The following ERBB4 variants were observed in gnomAD, a reference collection of about 807,000 sequenced individuals.
ERBB4 encodes erb-b2 receptor tyrosine kinase 4, also known as receptor tyrosine-protein kinase erbB-4.
A neutral mutation model predicts 158.0 loss-of-function variants in ERBB4; 42 were observed. The ratio of observed to expected loss-of-function variants is 0.27; its 90% CI spans 0.21 to 0.34. ERBB4 has a LOEUF of 0.34. ERBB4 is among the 10% of genes least tolerant of loss of function. The probability of loss-of-function intolerance (pLI) is 1.00; values close to 1 mark genes in which losing one functional copy is unlikely to be tolerated. For synonymous variants in ERBB4, 583 were observed against 558.7 expected (o/e 1.04, Z -0.61); for missense variants, 1,333 against 1,624.1 (o/e 0.82, Z 3.08).
intron 2 of ERBB4, among the ~76,000 whole-genome samples, chr2:211,969,189 A>G (rs1422485887): frequency 6.6e-6 from 1 of 151,994 alleles, no homozygotes; most frequent in Non-Finnish European, 1.5e-5. Flanking sequence ...AGCAGTGACA[A>G]AAGTTAAGAC....
intron 3 of ERBB4, among the ~76,000 whole-genome samples, chr2:211,893,028 A>G (rs1429084953): frequency 6.7e-6 from 1 of 148,476 alleles, no homozygotes; most frequent in African/African-American, 2.6e-5. Flanking sequence ...TAAAGCTACC[A>G]AGACTTTCCT....
At chr2:211,938,402 C>T (rs1575406024) in intron 3 of ERBB4, among the ~76,000 whole-genome samples, 2 of 152,246 alleles carry the variant, frequency 1.3e-5, no homozygotes, top group African/African-American at 4.8e-5. Flanking sequence ...TCCTTGCCTG[C>T]TGGATTGGAT....
At chr2:211,856,990 G>T (rs2077883610) in intron 3 of ERBB4, among the ~76,000 whole-genome samples, 1 of 151,894 alleles carries the variant, frequency 6.6e-6, no homozygotes, top group African/African-American at 2.4e-5. Context: ...TATTTAAAAA[G>T]TTATTATATG....
At chr2:211,957,952 C>A (rs561419682) in intron 2 of ERBB4, among the ~76,000 whole-genome samples, 1 of 152,098 alleles carries the variant, frequency 6.6e-6, no homozygotes, top group African/African-American at 2.4e-5. Flanking sequence ...ACAACAGCTG[C>A]CTCTGTTGAA....
intron 1 of ERBB4, among the ~76,000 whole-genome samples, chr2:212,159,386 TA>T (rs1032044010): frequency 6.6e-6 from 1 of 151,910 alleles, no homozygotes; most frequent in Admixed American, 6.6e-5. Flanking sequence ...TCTCAATGTC[TA>T]AAATGGACAA....
intron 2 of ERBB4, among the ~76,000 whole-genome samples, chr2:211,987,330 C>CAAAAAAAAAAAAAAAAAAAA (rs564412801): frequency 3.6e-5 from 2 of 56,190 alleles, no homozygotes; most frequent in African/African-American, 8.6e-5. Context: ...CAAGAAAAGA[C>CAAAAAAAAAAAAAAAAAAAA]AAAAAAAAAA....
At chr2:211,990,523 A>AAAT (rs1559262650) in intron 2 of ERBB4, among the ~76,000 whole-genome samples, 15,714 of 134,392 alleles carry the variant, frequency 0.12, 1,071 homozygotes, top group South Asian at 0.23. Context: ...AATAAAAATA[A>AAAT]AAATAAATAA....
intron 20 of ERBB4, among the ~76,000 whole-genome samples, chr2:211,539,636 C>T (rs1017533265): frequency 1.3e-5 from 2 of 151,930 alleles, no homozygotes; most frequent in Non-Finnish European, 2.9e-5. Flanking sequence ...GAAAGGGTAG[C>T]TCATTTGAAT....
chr2:211,785,391 G>A (rs1251918249), intron 4 of ERBB4, among the ~76,000 whole-genome samples: 2 of 152,100 alleles, frequency 1.3e-5, no homozygotes, highest in East Asian at 1.9e-4. Flanking sequence ...GTGAGCCACC[G>A]CCCCCAGCCG....
At chr2:211,644,833 T>C (rs1034050896) in intron 16 of ERBB4, among the ~76,000 whole-genome samples, 2 of 152,160 alleles carry the variant, frequency 1.3e-5, no homozygotes, top group South Asian at 4.1e-4. Context: ...AGTATATCTA[T>C]AGACTTTCTT....
chr2:212,177,469 T>C (rs1405205551), intron 1 of ERBB4, among the ~76,000 whole-genome samples: 2 of 151,964 alleles, frequency 1.3e-5, no homozygotes, highest in Admixed American at 6.6e-5. Context: ...TCAAAGTATA[T>C]AGCAGCTTTC....
rs184716695 is a variant in ERBB4 at position 211,702,291 on chromosome 2, G to A, written c.1290-125C>T. The A allele has an allele frequency of 1.8e-5, 14 of 792,720 alleles. 2 individuals are homozygous for A. The Admixed American group carries it at 2.6e-4, about 15-fold the overall frequency. 49.1% of individuals were successfully genotyped at this position (792,720 alleles called of 1,614,324 possible). ...ATGGAAACTGAATCAATAAATCTGT[G>A]TTTAGAATATTGTTTTTACATGCTA... On this transcript the variant is annotated intron_variant, in intron 11 of 27. Coordinates refer to ENST00000342788, the MANE Select transcript of ERBB4 (RefSeq NM_005235.3).
At chr2:212,095,802 G>C (rs1256986394) in intron 2 of ERBB4, among the ~76,000 whole-genome samples, 1 of 151,948 alleles carries the variant, frequency 6.6e-6, no homozygotes, top group East Asian at 1.9e-4. Context: ...GGGCGTGGTG[G>C]TGGGCGCCTG....
intron 20 of ERBB4, among the ~76,000 whole-genome samples, chr2:211,520,658 A>G (rs1013969167): frequency 6.6e-6 from 1 of 152,096 alleles, no homozygotes; most frequent in African/African-American, 2.4e-5. Flanking sequence ...AGGTACAGGC[A>G]TACTTCTTTC....
intron 19 of ERBB4, among the ~76,000 whole-genome samples, chr2:211,612,794 G>C (rs2125835261): frequency 6.6e-6 from 1 of 152,176 alleles, no homozygotes; most frequent in Non-Finnish European, 1.5e-5. Flanking sequence ...GTTGAGGGCT[G>C]AGATTAAGAT....
At chr2:211,847,050 A>G (rs921925410) in intron 3 of ERBB4, among the ~76,000 whole-genome samples, 19 of 152,126 alleles carry the variant, frequency 1.2e-4, no homozygotes, top group African/African-American at 4.6e-4. Flanking sequence ...ATTTCCTCTG[A>G]CAAATGCCAT....
At chr2:211,632,325 G>C (rs571344153) in intron 16 of ERBB4, among the ~76,000 whole-genome samples, 9 of 152,010 alleles carry the variant, frequency 5.9e-5, no homozygotes, top group Non-Finnish European at 1.3e-4. Context: ...AATATTTTAT[G>C]TTTCAACCAA....
intron 2 of ERBB4, among the ~76,000 whole-genome samples, chr2:211,969,256 A>C (rs2125195962): frequency 6.6e-6 from 1 of 152,154 alleles, no homozygotes; most frequent in Admixed American, 6.5e-5. Flanking sequence ...TTATATGCCG[A>C]GTTGGATGCA....
chr2:211,670,910 T>C (rs952294829), intron 14 of ERBB4, among the ~76,000 whole-genome samples: 1 of 152,172 alleles, frequency 6.6e-6, no homozygotes, highest in East Asian at 1.9e-4. Context: ...AAAGGCATAC[T>C]GAAGGGACAG....
Sources: gnomAD v4.1 joint callset for allele counts (sites outside exome capture counted in the v4.1 genomes callset) on GRCh38, gnomAD v4.1.1 for gene constraint, MANE v1.5 for transcripts, NCBI Gene and HGNC (gene_info 2026-07-23, HGNC 2026-07-21) for gene names.